The following RIMBP2 variants were observed in gnomAD, a reference collection of about 807,000 sequenced individuals.
The protein encoded by RIMBP2 is RIMS-binding protein 2.
RIMBP2 carries 48 observed loss-of-function variants against 118.6 expected under a neutral mutation model. The ratio of observed to expected loss-of-function variants is 0.40; its 90% CI spans 0.32 to 0.51. The LOEUF (loss-of-function observed/expected upper bound fraction) is 0.51, where lower values mean the gene tolerates loss of function less well. Ranked by LOEUF, RIMBP2 falls within the 20% of genes least tolerant of loss-of-function variation. RIMBP2 has a pLI of 0.41. For missense variants in RIMBP2, 1,551 were observed against 1,768.3 expected, an observed-to-expected ratio of 0.88 and a Z score of 2.20; for synonymous variants, 762 against 742.9, an observed-to-expected ratio of 1.03 and a Z score of -0.42.
intron 2 of RIMBP2, among the ~76,000 whole-genome samples, chr12:130,545,817 T>C (rs2139635090): frequency 6.6e-6 from 1 of 152,352 alleles, no homozygotes; most frequent in African/African-American, 2.4e-5. Flanking sequence ...TGAGAACGTG[T>C]GGGTCCCATT....
intron 5 of RIMBP2, chr12:130,472,384 A>G (rs2081082935): frequency 6.6e-6 from 1 of 152,254 alleles, no homozygotes; most frequent in Admixed American, 6.5e-5. Flanking sequence ...TCCCGCCTGC[A>G]GCACAGTCCA....
chr12:130,458,366 A>G (rs1201400090), intron 6 of RIMBP2, among the ~76,000 whole-genome samples: 4 of 152,152 alleles, frequency 2.6e-5, no homozygotes, highest in African/African-American at 9.7e-5. Context: ...CATGGAAAGC[A>G]TCGGAGGGAA....
intron 4 of RIMBP2, among the ~76,000 whole-genome samples, chr12:130,501,937 C>T (rs556028177): frequency 2.0e-5 from 3 of 152,354 alleles, no homozygotes; most frequent in African/African-American, 7.2e-5. Context: ...ACAGAGTCAG[C>T]TTCCCCATCC....
chr12:130,458,398 G>A (rs901531908), intron 6 of RIMBP2, among the ~76,000 whole-genome samples: 5 of 152,094 alleles, frequency 3.3e-5, no homozygotes, highest in Non-Finnish European at 7.4e-5. Flanking sequence ...GGACAGCTCC[G>A]ACCCCAAATG....
rs552373117 is a variant in RIMBP2 at position 130,651,434 on chromosome 12, C to G, written c.-351-22978G>C. On this transcript the variant is annotated intron_variant, in intron 1 of 22. Transcript: ENST00000690449. Reference sequence around the variant, plus strand: ...AAGGCAGGGTGCTGAGCCTGTGATGCGTATGTATGAAGCCGTGTCATGCTC... The same window carrying G: ...AAGGCAGGGTGCTGAGCCTGTGATGGGTATGTATGAAGCCGTGTCATGCTC... The G allele has an allele frequency of 8.5e-5, 13 of 152,328 alleles. No individual in the cohort carries two copies. In the South Asian group the frequency reaches 2.7e-3, roughly 32 times the overall value. The allele number at this position is 152,328 out of a possible 1,614,324, so 9.4% of individuals were successfully genotyped here.
chr12:130,496,608 T>C (rs1363604918), intron 4 of RIMBP2, among the ~76,000 whole-genome samples: 1 of 152,006 alleles, frequency 6.6e-6, no homozygotes, highest in African/African-American at 2.4e-5. Flanking sequence ...AAAGGCCACG[T>C]TCCCATCACC....
intron 19 of RIMBP2, among the ~76,000 whole-genome samples, chr12:130,412,406 T>C (rs2075786636): frequency 6.6e-6 from 1 of 152,198 alleles, no homozygotes; most frequent in African/African-American, 2.4e-5. Context: ...CACTTAGGTG[T>C]ATCTGTGTCC....
rs1421685731 is a variant in RIMBP2 at position 130,447,295 on chromosome 12, T to C, written c.582-2026A>G. ...GGCTGGTAAGGGCACGGAGAAGAAG[T>C]GGGAGATCCTACGGCTGTCGTGACA... On this transcript the variant is annotated intron_variant, in intron 9 of 22. Transcript: ENST00000690449. This position sits in a 1 kb window ranked among gnomAD's most constrained non-coding sequence, Gnocchi z 4.4. Among the ~76,000 whole-genome samples the C allele has an allele frequency of 4.7e-5, 7 of 149,720 alleles. No individual in the cohort carries two copies. The highest frequency in any genetic ancestry group is 7.4e-5 in the Non-Finnish European group (5 of 67,558).
intron 6 of RIMBP2, among the ~76,000 whole-genome samples, chr12:130,464,741 C>G (rs2080308104): frequency 6.6e-6 from 1 of 152,232 alleles, no homozygotes; most frequent in Non-Finnish European, 1.5e-5. Flanking sequence ...GTCTCTCTGG[C>G]CTCTGAGTCT....
At chr12:130,470,386 A>T in intron 6 of RIMBP2, 1 of 307,978 alleles carries the variant, frequency 3.2e-6, no homozygotes, top group East Asian at 5.2e-5. Flanking sequence ...CTCACTTTCC[A>T]CCCAAGAGGA....
chr12:130,467,712 C>T (rs371196336), intron 6 of RIMBP2, among the ~76,000 whole-genome samples: 14 of 152,322 alleles, frequency 9.2e-5, no homozygotes, highest in East Asian at 5.8e-4. Flanking sequence ...CAGAAGCCCC[C>T]GCTTCAAGTT....
chr12:130,629,497 G>C (rs2061849794), intron 1 of RIMBP2, among the ~76,000 whole-genome samples: 1 of 152,134 alleles, frequency 6.6e-6, no homozygotes, highest in African/African-American at 2.4e-5. Flanking sequence ...ACACATCTAG[G>C]CAGGAGACTG....
At chr12:130,459,662 C>A (rs1359825540) in intron 6 of RIMBP2, among the ~76,000 whole-genome samples, 1 of 152,190 alleles carries the variant, frequency 6.6e-6, no homozygotes, top group Non-Finnish European at 1.5e-5. Flanking sequence ...TGCCAGCAGC[C>A]TGCAGGCTGC....
In RIMBP2 at chr12:130,581,459, C is replaced by T. The variant is rs1000504850; in HGVS notation, c.-217+46863G>A. 1.3e-5 allele frequency among the ~76,000 whole-genome samples: 2 copies of T among 152,224 alleles called. No individual in the cohort carries two copies. Among genetic ancestry groups the T allele is most frequent in the Admixed American group, 1.3e-4 (2 of 15,284 alleles). The stretch of plus-strand genomic sequence containing the variant: ...GGTCCATGCTCACCCCCACTGCCCA[C>T]CCAGCCTGTCCCAGTGGAGGTCTCA... On this transcript the variant is annotated intron_variant, in intron 2 of 22. Coordinates refer to ENST00000690449, the MANE Select transcript of RIMBP2 (RefSeq NM_001393629.1). The surrounding 1 kb of genome is among the most constrained non-coding windows in gnomAD (Gnocchi z 4.4).
At chr12:130,557,833 G>T (rs1388228320) in intron 2 of RIMBP2, among the ~76,000 whole-genome samples, 2 of 152,102 alleles carry the variant, frequency 1.3e-5, no homozygotes, top group East Asian at 3.9e-4. Flanking sequence ...CCTTCATCTA[G>T]AGACACCACC....
At chr12:130,611,415 T>C (rs545063044) in intron 2 of RIMBP2, among the ~76,000 whole-genome samples, 1 of 152,334 alleles carries the variant, frequency 6.6e-6, no homozygotes, top group South Asian at 2.1e-4. Context: ...CCCTTTTGTC[T>C]TCCACTCCCG....
intron 6 of RIMBP2, among the ~76,000 whole-genome samples, chr12:130,461,790 G>GT (rs1308532429): frequency 6.6e-6 from 1 of 152,124 alleles, no homozygotes; most frequent in Non-Finnish European, 1.5e-5. Flanking sequence ...TGCCATGATT[G>GT]TAAGTTTCCC....
chr12:130,442,436 T>C lies in RIMBP2; in HGVS notation c.916A>G (p.Ile306Val), dbSNP rs1282272205. 1 of 1,614,168 alleles carries C rather than the reference T, an allele frequency of 6.2e-7. No homozygotes were observed. Among genetic ancestry groups the C allele is most frequent in the East Asian group, 2.2e-5 (1 of 44,874 alleles). The change falls in exon 11 of 23, where the codon ATC becomes GTC. Residue 306 changes from isoleucine (I) to valine (V), a missense_variant. Coordinates refer to ENST00000690449, the MANE Select transcript of RIMBP2 (RefSeq NM_001393629.1). The surrounding 1 kb of genome is among the most constrained non-coding windows in gnomAD (Gnocchi z 6.9). The part of the protein sequence containing the change: ...DNSAGTLDVN[I>V]DDIGEDIVPY... ...ACGATGTCTTCTCCGATGTCGTCGA[T>C]GTTCACGTCCAGGGTCCCGGCACTG...
At chr12:130,426,192 A>G (rs1221509672) in intron 15 of RIMBP2, 1 of 152,266 alleles carries the variant, frequency 6.6e-6, no homozygotes. Context: ...GCCACGTGAG[A>G]ACGTGTGCGC....
Sources: allele counts gnomAD v4.1 joint callset (sites outside exome capture counted in the v4.1 genomes callset), GRCh38; gene constraint gnomAD v4.1.1; non-coding constraint Gnocchi (gnomAD v3.1); transcripts MANE v1.5; gene names NCBI Gene and HGNC (gene_info 2026-07-23, HGNC 2026-07-21).